Variants in KLF5 observed in about 807,000 individuals in gnomAD.
KLF5 encodes KLF transcription factor 5, also known as Krueppel-like factor 5.
Under a neutral mutation model 36.9 loss-of-function variants are expected in KLF5, and 9 were observed. The ratio of observed to expected loss-of-function variants is 0.24; its 90% CI spans 0.15 to 0.43. The LOEUF (loss-of-function observed/expected upper bound fraction) is 0.43, where lower values mean the gene tolerates loss of function less well. KLF5 is among the 20% of genes least tolerant of loss of function. KLF5 has a pLI of 1.00. For synonymous variants in KLF5, 246 were observed against 241.7 expected, an observed-to-expected ratio of 1.02 and a Z score of -0.17; for missense variants, 524 against 599.5, an observed-to-expected ratio of 0.87 and a Z score of 1.31.
At chr13:73,075,300 T>C (rs936816039) in intron 3 of KLF5, among the ~76,000 whole-genome samples, 1 of 152,186 alleles carries the variant, frequency 6.6e-6, no homozygotes, top group African/African-American at 2.4e-5. Context: ...ATTAGTCCTA[T>C]AATAATTTAA....
intron 3 of KLF5, among the ~76,000 whole-genome samples, chr13:73,066,170 G>T (rs979795382): frequency 2.6e-5 from 4 of 152,266 alleles, no homozygotes; most frequent in Admixed American, 2.6e-4. Flanking sequence ...GGCTAAACCT[G>T]TTCTTGGGTA....
At chr13:73,070,224 G>C (rs1183309854) in intron 3 of KLF5, among the ~76,000 whole-genome samples, 1 of 152,140 alleles carries the variant, frequency 6.6e-6, no homozygotes, top group Non-Finnish European at 1.5e-5. Context: ...TTATGAAAAG[G>C]TAAACCTTTA....
intron 3 of KLF5, among the ~76,000 whole-genome samples, chr13:73,066,333 T>C (rs2044679781): frequency 6.6e-6 from 1 of 152,094 alleles, no homozygotes; most frequent in Non-Finnish European, 1.5e-5. Context: ...TTTTTTTTTT[T>C]CTTTCCCTTT....
Position 73,059,276 on chromosome 13 carries a change from C to T in KLF5, c.-52C>T. On this transcript the variant is annotated 5_prime_UTR_variant, in exon 1 of 4. Coordinates refer to ENST00000377687, the MANE Select transcript of KLF5 (RefSeq NM_001730.5). ...GCTCGCCGACCCAAGCCAGCGTGGG[C>T]GAGGTGGGAAGTGCGCCCGACCCGC... 1 of 1,303,140 alleles carries T rather than the reference C, an allele frequency of 7.7e-7. No individual in the cohort carries two copies. Among genetic ancestry groups the T allele is most frequent in the Non-Finnish European group, 9.8e-7 (1 of 1,025,326 alleles). The allele number at this position is 1,303,140 out of a possible 1,614,324, so 80.7% of individuals were successfully genotyped here. A position where few individuals can be genotyped will look rare whatever the true frequency, so the allele number is the denominator to read the frequency against.
rs868814763 is a variant in KLF5, at chr13:73,059,031, C to A, written c.-297C>A. The A allele has an allele frequency of 3.6e-6, 1 of 279,888 alleles. No individual in the cohort carries two copies. Among genetic ancestry groups the A allele is most frequent in the Non-Finnish European group, 6.7e-6 (1 of 149,552 alleles). The allele number at this position is 279,888 out of a possible 1,614,324, so 17.3% of individuals were successfully genotyped here. A position where few individuals can be genotyped will look rare whatever the true frequency, so the allele number is the denominator to read the frequency against. ...GTCGCGGGGCAGGTACGTGCGCTCG[C>A]GGTTCTCTCGCGGAGGTCGGCGGTG... On this transcript the variant is annotated 5_prime_UTR_variant, in exon 1 of 4. Coordinates refer to ENST00000377687, the MANE Select transcript of KLF5 (RefSeq NM_001730.5).
At chr13:73,072,934 T>A (rs1442247745) in intron 3 of KLF5, among the ~76,000 whole-genome samples, 1 of 152,244 alleles carries the variant, frequency 6.6e-6, no homozygotes, top group Non-Finnish European at 1.5e-5. Flanking sequence ...GCTTGTTTTC[T>A]GTGCTGTACA....
chr13:73,059,369 C>T lies in KLF5; in HGVS notation c.42C>T (p.Pro14=), dbSNP rs2044611341. ...RVLSMSARLG[P]VPQPPAPQDE... ...TGAGCATGAGCGCCCGCCTGGGACCCGTGCCCCAGCCGCCGGCGCCGCAGG... is the reference window on the plus strand; with the variant it reads ...TGAGCATGAGCGCCCGCCTGGGACCTGTGCCCCAGCCGCCGGCGCCGCAGG... The change falls in exon 1 of 4, where the codon CCC becomes CCT. Residue 14 remains proline, a synonymous_variant. Coordinates refer to ENST00000377687, the MANE Select transcript of KLF5 (RefSeq NM_001730.5). 5.7e-6 allele frequency: 8 copies of T among 1,415,466 alleles called. No homozygotes were observed. The highest frequency in any genetic ancestry group is 7.4e-6 in the Non-Finnish European group (8 of 1,085,480). The allele number at this position is 1,415,466 out of a possible 1,614,324, so 87.7% of individuals were successfully genotyped here.
At chr13:73,060,181 A>G (rs36099226) in intron 1 of KLF5, among the ~76,000 whole-genome samples, 9 of 136,706 alleles carry the variant, frequency 6.6e-5, no homozygotes, top group Non-Finnish European at 1.4e-4. Context: ...AAAAAAAAAG[A>G]CCGGGGGTGT....
At chr13:73,069,639 G>T (rs1175213108) in intron 3 of KLF5, among the ~76,000 whole-genome samples, 2 of 152,086 alleles carry the variant, frequency 1.3e-5, no homozygotes, top group East Asian at 3.9e-4. Context: ...AAGCTTAGAA[G>T]CAATTTCTTT....
rs1936983354 is a variant in KLF5, at chr13:73,077,110, G to A, written c.*1224G>A. 1 of 152,536 alleles carries A rather than the reference G, an allele frequency of 6.6e-6. No individual in the cohort carries two copies. The highest frequency in any genetic ancestry group is 2.1e-4 in the South Asian group (1 of 4,832). 9.4% of individuals were successfully genotyped at this position (152,536 alleles called of 1,614,324 possible). A position where few individuals can be genotyped will look rare whatever the true frequency, so the allele number is the denominator to read the frequency against. ...TGCTGATGCTGTTAACCAAAGGGCA[G>A]AATAAATAAGCAAAATGCCAAAAGG... On this transcript the variant is annotated 3_prime_UTR_variant, in exon 4 of 4. Coordinates refer to ENST00000377687, the MANE Select transcript of KLF5 (RefSeq NM_001730.5).
intron 3 of KLF5, among the ~76,000 whole-genome samples, chr13:73,067,871 C>T (rs1306321952): frequency 6.0e-5 from 9 of 149,108 alleles, no homozygotes; most frequent in Non-Finnish European, 1.2e-4. Flanking sequence ...GATGAAGTCT[C>T]GCTTTCGTCC....
chr13:73,069,076 A>G (rs2044703642), intron 3 of KLF5, among the ~76,000 whole-genome samples: 1 of 152,190 alleles, frequency 6.6e-6, no homozygotes, highest in Admixed American at 6.5e-5. Flanking sequence ...AGCCCGGACA[A>G]CAGAGCAAGA....
At chr13:73,060,412 T>C (rs1025681999) in intron 1 of KLF5, among the ~76,000 whole-genome samples, 1 of 152,064 alleles carries the variant, frequency 6.6e-6, no homozygotes, top group Admixed American at 6.5e-5. Context: ...AGAGCTAAAA[T>C]CAGAAACCAC....
At chr13:73,070,782 A>G (rs963450121) in intron 3 of KLF5, among the ~76,000 whole-genome samples, 8 of 152,330 alleles carry the variant, frequency 5.3e-5, no homozygotes, top group African/African-American at 1.2e-4. Context: ...TTATCCCTGT[A>G]TAACTTCAGA....
chr13:73,062,986 C>T (rs2044651227), intron 2 of KLF5, among the ~76,000 whole-genome samples: 1 of 151,260 alleles, frequency 6.6e-6, no homozygotes, highest in Non-Finnish European at 1.5e-5. Flanking sequence ...AAAAACTTGG[C>T]TAGAATATTC....
chr13:73,062,731 C>A lies in KLF5; in HGVS notation c.1132C>A (p.Pro378Thr). 6.2e-7 allele frequency: 1 copy of A among 1,612,830 alleles called. No homozygotes were observed. Residue 378 changes from proline to threonine, a missense_variant, in exon 2 of 4, where the codon CCT (proline) becomes ACT (threonine). Physicochemically the swap from Pro to Thr is conservative, Grantham distance 38 (BLOSUM62 -1). This residue lies in a region of KLF5 where 46 missense variants were observed against 105.8 expected (regional missense o/e 0.43). Coordinates refer to ENST00000377687, the MANE Select transcript of KLF5 (RefSeq NM_001730.5). Reference protein sequence around the residue: ...EKRRIHYCDYPGCTKVYTKSS... With the variant: ...EKRRIHYCDYTGCTKVYTKSS... The stretch of plus-strand genomic sequence containing the variant: ...ACGACGCATCCACTACTGCGATTAC[C>A]CTGGTATGTGCTCTTACCTGGTTGA...
At chr13:73,066,191 A>G (rs2044678549) in intron 3 of KLF5, among the ~76,000 whole-genome samples, 1 of 152,202 alleles carries the variant, frequency 6.6e-6, no homozygotes, top group South Asian at 2.1e-4. Context: ...ATCATAGAGC[A>G]TTGAGGTTGT....
chr13:73,073,810 A>G (rs1461740508), intron 3 of KLF5, among the ~76,000 whole-genome samples: 1 of 152,154 alleles, frequency 6.6e-6, no homozygotes, highest in Non-Finnish European at 1.5e-5. Flanking sequence ...TGATAGCTAT[A>G]TTTACTACTG....
chr13:73,063,015 AT>A (rs148429695), intron 2 of KLF5, among the ~76,000 whole-genome samples: 17 of 150,690 alleles, frequency 1.1e-4, no homozygotes, highest in African/African-American at 2.2e-4. Context: ...GTTCCCTTGG[AT>A]TTTTTTTTCT....
Sources: gnomAD v4.1 joint callset for allele counts (sites outside exome capture counted in the v4.1 genomes callset) on GRCh38, gnomAD v4.1.1 for gene constraint, gnomAD v4.1.1 regional missense constraint, MANE v1.5 for transcripts, NCBI Gene and HGNC (gene_info 2026-07-23, HGNC 2026-07-21) for gene names.